CREB5: variants seen among roughly 807,000 people sequenced by gnomAD.
CREB5 encodes the protein cyclic AMP-responsive element-binding protein 5.
CREB5 carries 19 observed loss-of-function variants against 57.1 expected under a neutral mutation model. That is an observed-to-expected ratio of 0.33 (90% CI 0.23 to 0.49). CREB5 has a LOEUF of 0.49. Among genes scored for constraint, CREB5 ranks in the 20% least tolerant of loss-of-function variants. The probability of loss-of-function intolerance (pLI) is 0.99; values close to 1 mark genes in which losing one functional copy is unlikely to be tolerated. For synonymous variants in CREB5, 238 were observed against 238.3 expected (o/e 1.00, Z 0.01); for missense variants, 579 against 671.6 (o/e 0.86, Z 1.52).
At chr7:28,302,595 C>A (rs141294429) in intron 1 of CREB5, among the ~76,000 whole-genome samples, 1 of 152,294 alleles carries the variant, frequency 6.6e-6, no homozygotes, top group Non-Finnish European at 1.5e-5. Context: ...TTTCATGCCT[C>A]TTCCAAAGTC....
chr7:28,634,623 A>G (rs1259637020), intron 5 of CREB5, among the ~76,000 whole-genome samples: 1 of 152,094 alleles, frequency 6.6e-6, no homozygotes, highest in Non-Finnish European at 1.5e-5. Context: ...TTGTAATCCC[A>G]GAAACATTTA....
intron 1 of CREB5, among the ~76,000 whole-genome samples, chr7:28,344,193 C>G (rs1055167236): frequency 6.6e-6 from 1 of 151,920 alleles, no homozygotes; most frequent in African/African-American, 2.4e-5. Flanking sequence ...GTTGCCTGTG[C>G]TTTTGAGGTC....
rs1043937700 is a variant in CREB5 at position 28,519,101 on chromosome 7, G to A, written c.291+11364G>A. 2.4e-4 allele frequency among the ~76,000 whole-genome samples: 36 copies of A among 152,222 alleles called. 2 individuals are homozygous for A. Among genetic ancestry groups the A allele is most frequent in the African/African-American group, 8.4e-4 (35 of 41,544 alleles). On this transcript the variant is annotated intron_variant, in intron 4 of 10. Coordinates refer to ENST00000357727, the MANE Select transcript of CREB5 (RefSeq NM_182898.4). ...TGTCCAAAAAGCGAGCAGGAAACAG[G>A]AATCCAAACTCCACGTTCACAGAGA...
chr7:28,546,192 G>T (rs1023643737), intron 4 of CREB5, among the ~76,000 whole-genome samples: 1 of 152,136 alleles, frequency 6.6e-6, no homozygotes, highest in African/African-American at 2.4e-5. Context: ...TGTTGTCAAG[G>T]TTCATCCATG....
intron 1 of CREB5, among the ~76,000 whole-genome samples, chr7:28,371,025 G>T (rs1583403790): frequency 6.6e-6 from 1 of 152,344 alleles, no homozygotes; most frequent in African/African-American, 2.4e-5. Context: ...TTCCTTCAAA[G>T]GATTGAGCCA....
intron 4 of CREB5, among the ~76,000 whole-genome samples, chr7:28,525,649 G>T (rs1049128797): frequency 6.6e-6 from 1 of 152,062 alleles, no homozygotes; most frequent in African/African-American, 2.4e-5. Context: ...CATGCAGTAA[G>T]GTACCACTCA....
At chr7:28,587,022 A>G (rs1282520768) in intron 5 of CREB5, among the ~76,000 whole-genome samples, 2 of 152,228 alleles carry the variant, frequency 1.3e-5, no homozygotes, top group Non-Finnish European at 2.9e-5. Context: ...GTCTCTTGCT[A>G]TGTGACCAAC....
At chr7:28,807,189 C>A in intron 8 of CREB5, among the ~76,000 whole-genome samples, 1 of 152,128 alleles carries the variant, frequency 6.6e-6, no homozygotes, top group East Asian at 1.9e-4. Flanking sequence ...TGGCTCACGC[C>A]TGTAATCTCA....
intron 3 of CREB5, among the ~76,000 whole-genome samples, chr7:28,500,830 G>GCA (rs1792244266): frequency 6.6e-6 from 1 of 151,760 alleles, no homozygotes; most frequent in Non-Finnish European, 1.5e-5. Flanking sequence ...TAAATCACAC[G>GCA]CACACACACA....
chr7:28,517,497 C>G (rs965532057), intron 4 of CREB5, among the ~76,000 whole-genome samples: 23 of 152,162 alleles, frequency 1.5e-4, no homozygotes, highest in Admixed American at 1.5e-3. Context: ...GGGCCATTTC[C>G]CTTGTTCTTC....
At chr7:28,398,726 T>A (rs1380329726) in intron 1 of CREB5, among the ~76,000 whole-genome samples, 1 of 152,148 alleles carries the variant, frequency 6.6e-6, no homozygotes, top group Non-Finnish European at 1.5e-5. Context: ...TTATTATTAT[T>A]TTTGAGACAG....
intron 4 of CREB5, among the ~76,000 whole-genome samples, chr7:28,558,342 C>A (rs563066614): frequency 6.6e-6 from 1 of 152,318 alleles, no homozygotes; most frequent in South Asian, 2.1e-4. Context: ...TAACACTGAT[C>A]ATTAGAACAG....
At chr7:28,733,203 G>C (rs1027787948) in intron 7 of CREB5, among the ~76,000 whole-genome samples, 9 of 152,176 alleles carry the variant, frequency 5.9e-5, no homozygotes, top group East Asian at 1.9e-4. Context: ...TTTCAAAATA[G>C]AGCCAGGATC....
intron 5 of CREB5, chr7:28,609,195 A>G (rs918686801): frequency 2.8e-4 from 42 of 151,926 alleles, no homozygotes; most frequent in African/African-American, 9.7e-4. Context: ...AGTAAGTTGT[A>G]TGTTAAATTA....
chr7:28,339,782 A>G (rs1031217376), intron 1 of CREB5, among the ~76,000 whole-genome samples: 16 of 152,140 alleles, frequency 1.1e-4, no homozygotes, highest in African/African-American at 3.9e-4. Flanking sequence ...CAGGAACTGG[A>G]GTCATAAACT....
chr7:28,466,724 G>A (rs1220017786), intron 1 of CREB5, among the ~76,000 whole-genome samples: 4 of 152,128 alleles, frequency 2.6e-5, no homozygotes, highest in South Asian at 2.1e-4. Flanking sequence ...GCGCTTAGAC[G>A]ACATCTCTCC....
intron 9 of CREB5, among the ~76,000 whole-genome samples, chr7:28,810,927 T>A (rs1256619881): frequency 1.3e-5 from 2 of 152,208 alleles, no homozygotes; most frequent in Non-Finnish European, 2.9e-5. Flanking sequence ...AATTTATGGA[T>A]GTTCATTTTT....
rs368460250 is a variant in CREB5, at chr7:28,612,146, G to T, written c.464+41609G>T. On this transcript the variant is annotated intron_variant, in intron 5 of 10. Transcript: ENST00000357727. ...TAGCTCTCCAGGTAGCAATGACCTTGTATGGTTAACACAGGTAGGGAAATA... is the reference window on the plus strand; with the variant it reads ...TAGCTCTCCAGGTAGCAATGACCTTTTATGGTTAACACAGGTAGGGAAATA... Among the ~76,000 whole-genome samples, 5 of 152,174 alleles carry T rather than the reference G, an allele frequency of 3.3e-5. No individual in the cohort carries two copies. The East Asian group carries it at 9.6e-4, about 29-fold the overall frequency.
chr7:28,674,335 G>T (rs1330396717), intron 5 of CREB5, among the ~76,000 whole-genome samples: 1 of 152,164 alleles, frequency 6.6e-6, no homozygotes, highest in East Asian at 1.9e-4. Context: ...CTACTGAATA[G>T]TTGATGTCTA....
Sources: allele counts gnomAD v4.1 joint callset (sites outside exome capture counted in the v4.1 genomes callset), GRCh38; gene constraint gnomAD v4.1.1; transcripts MANE v1.5; gene names NCBI Gene and HGNC (gene_info 2026-07-23, HGNC 2026-07-21).